GRIN1: variants seen among roughly 807,000 people sequenced by gnomAD.
GRIN1 encodes the protein glutamate ionotropic receptor NMDA type subunit 1.
Under a neutral mutation model 103.0 loss-of-function variants are expected in GRIN1, and 38 were observed. The observed-to-expected ratio is 0.37, with a 90% CI of 0.28 to 0.48. The LOEUF (loss-of-function observed/expected upper bound fraction) is 0.48. Among genes scored for constraint, GRIN1 ranks in the 20% least tolerant of loss-of-function variants. The pLI, the probability that GRIN1 is intolerant of heterozygous loss-of-function variation, is 0.98. For synonymous variants in GRIN1, 544 were observed against 532.7 expected (o/e 1.02, Z -0.29); for missense variants, 577 against 1,288.9 (o/e 0.45, Z 8.46).
chr9:137,141,013 G>A (rs759794301), intron 1 of GRIN1, among the ~76,000 whole-genome samples: 3 of 152,210 alleles, frequency 2.0e-5, no homozygotes, highest in Non-Finnish European at 4.4e-5. Flanking sequence ...ACTGGGGAGG[G>A]ACACGGAAGG....
chr9:137,164,412 C>G (rs528129143), intron 18 of GRIN1: 9 of 224,786 alleles, frequency 4.0e-5, no homozygotes, highest in Non-Finnish European at 8.1e-5. Flanking sequence ...TTGCCACCAG[C>G]AAGGGCAGCC....
At chr9:137,164,233 C>T in intron 18 of GRIN1, 1 of 422,008 alleles carries the variant, frequency 2.4e-6, no homozygotes, top group Non-Finnish European at 4.5e-6. Context: ...AGGGGCCCGC[C>T]TGTGTATGGC....
chr9:137,162,022 G>C lies in GRIN1; in HGVS notation c.1566G>C (p.Glu522Asp), dbSNP rs200342470. Reference sequence around the variant, plus strand: ...TGGCGCCGCTAACCATAAACAACGAGCGCGCGCAGTACATCGAGTTTTCCA... The same window carrying C: ...TGGCGCCGCTAACCATAAACAACGACCGCGCGCAGTACATCGAGTTTTCCA... ...MIVAPLTINN[E>D]RAQYIEFSKP... is the part of the protein sequence containing the mutation. The change falls in exon 11 of 20, where the codon GAG becomes GAC. Residue 522 changes from glutamate to aspartate, a missense_variant. Transcript: ENST00000371561. The C allele has an allele frequency of 2.6e-6, 4 of 1,556,058 alleles. No individual in the cohort carries two copies. Among genetic ancestry groups the C allele is most frequent in the Middle Eastern group, 1.7e-4 (1 of 5,978 alleles).
chr9:137,163,121 T>C lies in GRIN1; in HGVS notation c.2172-48T>C, dbSNP rs1833651805. On this transcript the variant is annotated intron_variant, in intron 15 of 19. Coordinates refer to ENST00000371561, the MANE Select transcript of GRIN1 (RefSeq NM_007327.4). Reference sequence around the variant, plus strand: ...CCCCGGAGGGCGCGGGCGTGGGGCTTCCAGGCTGGCAGGACCAAGGCCCCC... The same window carrying C: ...CCCCGGAGGGCGCGGGCGTGGGGCTCCCAGGCTGGCAGGACCAAGGCCCCC... 1.9e-6 allele frequency: 3 copies of C among 1,605,248 alleles called. No individual in the cohort carries two copies. The African/African-American group carries it at 4.0e-5, about 21-fold the overall frequency.
chr9:137,147,047 C>CCAGCGCCCGACAGGCCCCTCCCCA, intron 3 of GRIN1, among the ~76,000 whole-genome samples: 1 of 149,690 alleles, frequency 6.7e-6, no homozygotes, highest in South Asian at 2.5e-4. Context: ...CCCCTCCCCC[C>CCAGCGCCCGACAGGCCCCTCCCCA]CAGCACCCGA....
chr9:137,154,432 CTTTTTTTTTTTTTTTTTTTTTTTTTTT>C (rs543160973), intron 4 of GRIN1, among the ~76,000 whole-genome samples: 1 of 42,960 alleles, frequency 2.3e-5, no homozygotes, highest in African/African-American at 9.4e-5. Flanking sequence ...GCTCCAACAA[CTTTTTTTTTTTTTTTTTTTTTTTTTTT>C]TTTTTTTTTT....
chr9:137,146,110 C>T lies in GRIN1; in HGVS notation c.570+208C>T, dbSNP rs1173309404. Among the ~76,000 whole-genome samples the T allele has an allele frequency of 6.6e-6, 1 of 152,176 alleles. No individual in the cohort carries two copies. Among genetic ancestry groups the T allele is most frequent in the Non-Finnish European group, 1.5e-5 (1 of 68,008 alleles). On this transcript the variant is annotated intron_variant, in intron 3 of 19. Transcript: ENST00000371561. The surrounding 1 kb of genome is among the most constrained non-coding windows in gnomAD (Gnocchi z 6.7). Reference sequence around the variant, plus strand: ...GAAATCTCCTTCGTGTCAGTCCCTGCGGGGCGAGGGCCAGACCACCTGGAG... The same window carrying T: ...GAAATCTCCTTCGTGTCAGTCCCTGTGGGGCGAGGGCCAGACCACCTGGAG...
chr9:137,144,521 G>A (rs1410362260), intron 2 of GRIN1, among the ~76,000 whole-genome samples: 6 of 152,108 alleles, frequency 3.9e-5, no homozygotes, highest in South Asian at 2.1e-4. Flanking sequence ...CGGGCGTGGT[G>A]GCGGGCGCCT....
At chr9:137,142,954 T>G (rs1832258071) in intron 2 of GRIN1, among the ~76,000 whole-genome samples, 1 of 152,118 alleles carries the variant, frequency 6.6e-6, no homozygotes, top group Non-Finnish European at 1.5e-5. Flanking sequence ...GGTCATCCAG[T>G]CAGTTTTGCA....
intron 6 of GRIN1, among the ~76,000 whole-genome samples, chr9:137,157,602 C>T (rs1459220203): frequency 6.6e-6 from 1 of 152,210 alleles, no homozygotes; most frequent in Non-Finnish European, 1.5e-5. Flanking sequence ...CCAAGAACAG[C>T]ACACGAGCCT....
At chr9:137,161,706 CGTGGAGTGGGCGGGG>C (rs1833560137) in intron 10 of GRIN1, among the ~76,000 whole-genome samples, 1 of 4,414 alleles carries the variant, frequency 2.3e-4, no homozygotes, top group African/African-American at 1.1e-3. Flanking sequence ...GTGGGCGGGA[CGTGGAGTGGGCGGGG>C]CCTGCTGGCT....
chr9:137,162,314 C>A (rs1228531887), intron 12 of GRIN1, 24 bp downstream of exon 12: 1 of 1,546,010 alleles, frequency 6.5e-7, no homozygotes, highest in South Asian at 1.2e-5. Context: ...GGGGCTCAGA[C>A]ACCTCCATCT....
intron 4 of GRIN1, among the ~76,000 whole-genome samples, chr9:137,156,216 G>C (rs1366688925): frequency 3.9e-5 from 6 of 152,164 alleles, no homozygotes; most frequent in Admixed American, 2.0e-4. Flanking sequence ...AGTGATCAAT[G>C]GTGATCCATT....
chr9:137,166,480 C>G (rs966770957), intron 19 of GRIN1, among the ~76,000 whole-genome samples: 1 of 152,364 alleles, frequency 6.6e-6, no homozygotes, highest in East Asian at 1.9e-4. Flanking sequence ...GAGAAGCTTA[C>G]GCCCGGGGGA....
At position 137,168,651 on chromosome 9, in the gene GRIN1, C is replaced by G. The variant is rs1326127363; in HGVS notation, c.*1124C>G. On this transcript the variant is annotated 3_prime_UTR_variant, in exon 20 of 20. Transcript: ENST00000371561. ...GAGCGCGTGCCTTCCCCGTGCGGCC[C>G]GTGCGCAGCCGCGCTCTGCCCCTCC... 1 of 379,242 alleles carries G rather than the reference C, an allele frequency of 2.6e-6. No individual in the cohort carries two copies. Among genetic ancestry groups the G allele is most frequent in the Admixed American group, 4.8e-5 (1 of 20,916 alleles). The allele number at this position is 379,242 out of a possible 1,614,324, so 23.5% of individuals were successfully genotyped here.
At position 137,167,550 on chromosome 9, in the gene GRIN1, G is replaced by GC; in HGVS notation, c.*28dup. 6.7e-7 allele frequency: 1 copy of GC among 1,483,930 alleles called. No homozygotes were observed. The highest frequency in any genetic ancestry group is 9.2e-7 in the Non-Finnish European group (1 of 1,092,570). The allele number at this position is 1,483,930 out of a possible 1,614,324, so 91.9% of individuals were successfully genotyped here. ...TGAGACTCCCCGCCCGCCCTCCTCTGCCCCCTCCCCCGCAGACAGACAGAC... is the reference window on the plus strand; with the variant it reads ...TGAGACTCCCCGCCCGCCCTCCTCTGCCCCCCTCCCCCGCAGACAGACAGAC... On this transcript the variant is annotated 3_prime_UTR_variant, in exon 20 of 20. Transcript: ENST00000371561.
At chr9:137,153,070 A>G (rs1832996830) in intron 4 of GRIN1, among the ~76,000 whole-genome samples, 1 of 151,098 alleles carries the variant, frequency 6.6e-6, no homozygotes, top group Non-Finnish European at 1.5e-5. Flanking sequence ...CACACATGCC[A>G]TATACACACC....
At chr9:137,155,605 T>G (rs1833171580) in intron 4 of GRIN1, among the ~76,000 whole-genome samples, 1 of 151,950 alleles carries the variant, frequency 6.6e-6, no homozygotes, top group Non-Finnish European at 1.5e-5. Flanking sequence ...AAGCAAAGTG[T>G]CAGGGGTAGT....
chr9:137,164,035 G>A lies in GRIN1; in HGVS notation c.2589+131G>A, dbSNP rs767708091. ...ACTGGAGCTAGGAGCCATGGCCAGG[G>A]GCAGTGGTGAGTGCTCCCAGGGCAC... On this transcript the variant is annotated intron_variant, in intron 18 of 19. Coordinates refer to ENST00000371561, the MANE Select transcript of GRIN1 (RefSeq NM_007327.4). 6 of 1,144,188 alleles carry A rather than the reference G, an allele frequency of 5.2e-6. 1 individual carries two copies. Among genetic ancestry groups the A allele is most frequent in the Middle Eastern group, 2.2e-4 (1 of 4,546 alleles). The allele number at this position is 1,144,188 out of a possible 1,614,324, so 70.9% of individuals were successfully genotyped here. A position where few individuals can be genotyped will look rare whatever the true frequency, so the allele number is the denominator to read the frequency against.
Sources: gnomAD v4.1 joint callset for allele counts (sites outside exome capture counted in the v4.1 genomes callset) on GRCh38, gnomAD v4.1.1 for gene constraint, Gnocchi (gnomAD v3.1) non-coding constraint, MANE v1.5 for transcripts, NCBI Gene and HGNC (gene_info 2026-07-23, HGNC 2026-07-21) for gene names.